The following CNOT6L variants were observed in gnomAD, a reference collection of about 807,000 sequenced individuals.
CNOT6L encodes CCR4-NOT transcription complex subunit 6-like.
A neutral mutation model predicts 64.0 loss-of-function variants in CNOT6L; 7 were observed. The ratio of observed to expected loss-of-function variants is 0.11; its 90% CI spans 0.06 to 0.21. The LOEUF (loss-of-function observed/expected upper bound fraction) is 0.21, where lower values mean the gene tolerates loss of function less well. Ranked by LOEUF, CNOT6L falls within the 10% of genes least tolerant of loss-of-function variation. The pLI, the probability that CNOT6L is intolerant of heterozygous loss-of-function variation, is 1.00. For synonymous variants in CNOT6L, 193 were observed against 243.4 expected (o/e 0.79, Z 1.93); for missense variants, 245 against 669.0 (o/e 0.37, Z 6.99).
chr4:77,743,225 CTCT>C (rs1196464386), intron 7 of CNOT6L, among the ~76,000 whole-genome samples: 2 of 152,040 alleles, frequency 1.3e-5, no homozygotes, highest in Admixed American at 6.6e-5. Flanking sequence ...CTAGAATGAT[CTCT>C]TTTTAATACA....
At chr4:77,720,789 A>G (rs1721195917) in intron 11 of CNOT6L, 146 bp from the exon 12 acceptor site, 2 of 702,930 alleles carry the variant, frequency 2.8e-6, no homozygotes, top group Non-Finnish European at 2.4e-6. Flanking sequence ...CAAATATTCA[A>G]TGGGTATTAC....
At chr4:77,730,950 C>T (rs1287312349) in intron 9 of CNOT6L, among the ~76,000 whole-genome samples, 1 of 152,088 alleles carries the variant, frequency 6.6e-6, no homozygotes, top group Non-Finnish European at 1.5e-5. Flanking sequence ...AAAGATCCTG[C>T]TCTTACCCTG....
chr4:77,816,611 A>G (rs1055638146), intron 1 of CNOT6L, among the ~76,000 whole-genome samples: 2 of 152,206 alleles, frequency 1.3e-5, no homozygotes, highest in African/African-American at 4.8e-5. Context: ...TTATATAAAA[A>G]TATGCATAAA....
chr4:77,715,119 C>T lies in CNOT6L; in HGVS notation c.*5312G>A, dbSNP rs557478714. 1.3e-5 allele frequency: 2 copies of T among 152,186 alleles called. No homozygotes were observed. Among genetic ancestry groups the T allele is most frequent in the South Asian group, 4.1e-4 (2 of 4,822 alleles). The allele number at this position is 152,186 out of a possible 1,614,324, so 9.4% of individuals were successfully genotyped here. A position where few individuals can be genotyped will look rare whatever the true frequency, so the allele number is the denominator to read the frequency against. On this transcript the variant is annotated 3_prime_UTR_variant, in exon 12 of 12. Coordinates refer to ENST00000504123, the MANE Select transcript of CNOT6L (RefSeq NM_144571.3). ...ACGCTTTAGAGTTAAAAGTGACAGACATACAACTGGAAAATTATCTAAATT... is the reference window on the plus strand; with the variant it reads ...ACGCTTTAGAGTTAAAAGTGACAGATATACAACTGGAAAATTATCTAAATT...
At chr4:77,753,345 T>C (rs1374302319) in intron 5 of CNOT6L, among the ~76,000 whole-genome samples, 1 of 152,102 alleles carries the variant, frequency 6.6e-6, no homozygotes, top group Non-Finnish European at 1.5e-5. Flanking sequence ...AAAGAAGTAC[T>C]GGCCAATTTC....
At chr4:77,807,784 C>A (rs555220473) in intron 1 of CNOT6L, among the ~76,000 whole-genome samples, 1 of 152,242 alleles carries the variant, frequency 6.6e-6, no homozygotes, top group East Asian at 1.9e-4. Context: ...TAGGAAGCAG[C>A]AAGATATCTT....
chr4:77,774,490 G>A lies in CNOT6L; in HGVS notation c.314+40C>T, dbSNP rs780266093. 10 of 1,479,952 alleles carry A rather than the reference G, an allele frequency of 6.8e-6. No homozygotes were observed. The South Asian group carries it at 1.2e-4, about 18-fold the overall frequency. 91.7% of individuals were successfully genotyped at this position (1,479,952 alleles called of 1,614,324 possible). A position where few individuals can be genotyped will look rare whatever the true frequency, so the allele number is the denominator to read the frequency against. ...ACATCCCCTCATTTTCTTAAATTTAGAATTTTATATAGTGAGTCATGTCTG... is the reference window on the plus strand; with the variant it reads ...ACATCCCCTCATTTTCTTAAATTTAAAATTTTATATAGTGAGTCATGTCTG... On this transcript the variant is annotated intron_variant, in intron 3 of 11. Coordinates refer to ENST00000504123, the MANE Select transcript of CNOT6L (RefSeq NM_144571.3).
chr4:77,757,891 G>A (rs1446296408), intron 4 of CNOT6L, among the ~76,000 whole-genome samples: 1 of 152,180 alleles, frequency 6.6e-6, no homozygotes, highest in Non-Finnish European at 1.5e-5. Context: ...GTAGAGACAA[G>A]GTTTTATCAT....
chr4:77,784,156 A>G (rs1298262862), intron 1 of CNOT6L, among the ~76,000 whole-genome samples: 3 of 152,128 alleles, frequency 2.0e-5, no homozygotes, highest in Non-Finnish European at 4.4e-5. Flanking sequence ...AGGAGGAAAT[A>G]AAGGAGAAAG....
rs1720656674 is a variant in CNOT6L, at chr4:77,715,579, C to T, written c.*4852G>A. On this transcript the variant is annotated 3_prime_UTR_variant, in exon 12 of 12. Coordinates refer to ENST00000504123, the MANE Select transcript of CNOT6L (RefSeq NM_144571.3). ...AAGCTTGGTATTTTCCTGGTTATCACCCTATTTCCTGGTGTAGGACCTGGG... is the reference window on the plus strand; with the variant it reads ...AAGCTTGGTATTTTCCTGGTTATCATCCTATTTCCTGGTGTAGGACCTGGG... 6.6e-6 allele frequency: 1 copy of T among 152,174 alleles called. No individual in the cohort carries two copies. The highest frequency in any genetic ancestry group is 2.4e-5 in the African/African-American group (1 of 41,438). The allele number at this position is 152,174 out of a possible 1,614,324, so 9.4% of individuals were successfully genotyped here.
At chr4:77,776,954 C>T (rs1452466120) in intron 1 of CNOT6L, among the ~76,000 whole-genome samples, 1 of 152,126 alleles carries the variant, frequency 6.6e-6, no homozygotes, top group Non-Finnish European at 1.5e-5. Flanking sequence ...AGCCACGCAA[C>T]AACGATAAGG....
chr4:77,809,074 A>G (rs997906339), intron 1 of CNOT6L, among the ~76,000 whole-genome samples: 11 of 152,136 alleles, frequency 7.2e-5, no homozygotes, highest in Non-Finnish European at 1.3e-4. Flanking sequence ...TTTAATCCTC[A>G]CAAAACTCTA....
chr4:77,797,223 T>A (rs1457527042), intron 1 of CNOT6L, among the ~76,000 whole-genome samples: 2 of 148,736 alleles, frequency 1.3e-5, no homozygotes, highest in Admixed American at 1.3e-4. Context: ...AAACTTTACC[T>A]CATACTATAT....
intron 4 of CNOT6L, among the ~76,000 whole-genome samples, chr4:77,758,966 G>C (rs1229236186): frequency 6.6e-6 from 1 of 151,866 alleles, no homozygotes; most frequent in Non-Finnish European, 1.5e-5. Context: ...GTCAACTCTG[G>C]CTCACTAAGG....
chr4:77,813,290 T>TAGAC (rs1379991048), intron 1 of CNOT6L, among the ~76,000 whole-genome samples: 2 of 8,212 alleles, frequency 2.4e-4, no homozygotes, highest in East Asian at 5.7e-3. Flanking sequence ...TTAGATATAT[T>TAGAC]AGATAGATTA....
intron 4 of CNOT6L, among the ~76,000 whole-genome samples, chr4:77,759,584 A>AC (rs1725946347): frequency 6.6e-6 from 1 of 151,898 alleles, no homozygotes; most frequent in South Asian, 2.1e-4. Context: ...AGAAAAAAAA[A>AC]AACAACCAAG....
upstream of CNOT6L, chr4:77,819,554 G>C: frequency 2.2e-6 from 1 of 450,620 alleles, no homozygotes; most frequent in Non-Finnish European, 3.5e-6. Flanking sequence ...GGGAACCCGG[G>C]CCCGGGGTCT....
At chr4:77,768,957 G>C (rs1381719620) in intron 4 of CNOT6L, among the ~76,000 whole-genome samples, 3 of 152,126 alleles carry the variant, frequency 2.0e-5, no homozygotes, top group Non-Finnish European at 4.4e-5. Flanking sequence ...TATATCAGGA[G>C]ACATGTATGA....
At chr4:77,752,309 C>T (rs984838869) in intron 5 of CNOT6L, among the ~76,000 whole-genome samples, 3 of 152,076 alleles carry the variant, frequency 2.0e-5, no homozygotes, top group Non-Finnish European at 4.4e-5. Context: ...AAAGACAAAC[C>T]TACCATTTTG....
Sources: gnomAD v4.1 joint callset for allele counts (sites outside exome capture counted in the v4.1 genomes callset) on GRCh38, gnomAD v4.1.1 for gene constraint, MANE v1.5 for transcripts, NCBI Gene and HGNC (gene_info 2026-07-23, HGNC 2026-07-21) for gene names.